The following CNTN4 variants were observed in gnomAD, a reference collection of about 807,000 sequenced individuals.
The protein encoded by CNTN4 is contactin 4.
CNTN4 carries 77 observed loss-of-function variants against 122.5 expected under a neutral mutation model. The ratio of observed to expected loss-of-function variants is 0.63; its 90% CI spans 0.52 to 0.76. The LOEUF (loss-of-function observed/expected upper bound fraction) is 0.76, where lower values mean the gene tolerates loss of function less well. CNTN4 is among the 30% of genes least tolerant of loss of function. The probability of loss-of-function intolerance (pLI) is 0.00; values close to 1 mark genes in which losing one functional copy is unlikely to be tolerated. For missense variants in CNTN4, 1,256 were observed against 1,259.1 expected, an observed-to-expected ratio of 1.00 and a Z score of 0.04; for synonymous variants, 512 against 447.0, an observed-to-expected ratio of 1.15 and a Z score of -1.83.
intron 3 of CNTN4, among the ~76,000 whole-genome samples, chr3:2,486,573 G>A (rs568595740): frequency 1.8e-4 from 27 of 152,074 alleles, no homozygotes; most frequent in South Asian, 1.5e-3. Context: ...GTTACCCCCC[G>A]GATTCATAGC....
intron 4 of CNTN4, among the ~76,000 whole-genome samples, chr3:2,734,452 G>C (rs1191990049): frequency 6.6e-6 from 1 of 152,120 alleles, no homozygotes; most frequent in Non-Finnish European, 1.5e-5. Flanking sequence ...TAGAGACTAG[G>C]TGATTTTCCT....
intron 4 of CNTN4, among the ~76,000 whole-genome samples, chr3:2,581,173 A>C (rs2079920164): frequency 6.6e-6 from 1 of 152,124 alleles, no homozygotes. Flanking sequence ...TTGTTTTAAC[A>C]AGGCCTCCAA....
intron 12 of CNTN4, among the ~76,000 whole-genome samples, chr3:2,909,704 T>C (rs1233545292): frequency 6.6e-6 from 1 of 152,174 alleles, no homozygotes; most frequent in Non-Finnish European, 1.5e-5. Flanking sequence ...GCCATTGAAT[T>C]TTCCTAAAAT....
At chr3:3,037,659 A>G in intron 18 of CNTN4, 1 of 371,204 alleles carries the variant, frequency 2.7e-6, no homozygotes, top group Non-Finnish European at 5.2e-6. Context: ...ATTTCAAATA[A>G]AATTATCTCA....
intron 3 of CNTN4, among the ~76,000 whole-genome samples, chr3:2,366,711 A>G (rs2150595932): frequency 6.6e-6 from 1 of 151,806 alleles, no homozygotes; most frequent in African/African-American, 2.4e-5. Flanking sequence ...TGGGTGACAA[A>G]GCGAGACTCT....
At chr3:2,137,581 T>C (rs1559278316) in intron 2 of CNTN4, among the ~76,000 whole-genome samples, 1 of 152,218 alleles carries the variant, frequency 6.6e-6, no homozygotes. Flanking sequence ...TTGTGAGTTA[T>C]TGTATGTAAC....
intron 4 of CNTN4, among the ~76,000 whole-genome samples, chr3:2,589,890 C>T (rs2600298): frequency 0.14 from 21,311 of 152,260 alleles, 1,868 homozygotes; most frequent in Middle Eastern, 0.21. Flanking sequence ...AGAGAGAAAG[C>T]AAGAGGAAGC....
chr3:2,781,413 A>G (rs920014043), intron 6 of CNTN4, among the ~76,000 whole-genome samples: 8 of 151,728 alleles, frequency 5.3e-5, no homozygotes, highest in South Asian at 2.1e-4. Context: ...TGCTAAGGAT[A>G]TATGCGTGAG....
At chr3:2,424,526 A>C (rs988303463) in intron 3 of CNTN4, among the ~76,000 whole-genome samples, 1 of 152,130 alleles carries the variant, frequency 6.6e-6, no homozygotes. Flanking sequence ...CACTAAACAT[A>C]TGTGTGCATG....
intron 3 of CNTN4, among the ~76,000 whole-genome samples, chr3:2,363,444 T>C (rs1489694859): frequency 6.6e-6 from 1 of 152,216 alleles, no homozygotes; most frequent in Non-Finnish European, 1.5e-5. Context: ...GAACTAATCT[T>C]TCTGACTCCC....
At chr3:2,829,339 C>T (rs1427610563) in intron 7 of CNTN4, among the ~76,000 whole-genome samples, 1 of 152,218 alleles carries the variant, frequency 6.6e-6, no homozygotes, top group Non-Finnish European at 1.5e-5. Context: ...ATCTGACCCA[C>T]ATGGCCTGGG....
At chr3:2,279,140 A>C (rs574757379) in intron 2 of CNTN4, among the ~76,000 whole-genome samples, 1 of 149,930 alleles carries the variant, frequency 6.7e-6, no homozygotes, top group East Asian at 1.9e-4. Context: ...CTAATAATCA[A>C]AACTAATAAA....
At chr3:2,581,880 A>C (rs1294838728) in intron 4 of CNTN4, among the ~76,000 whole-genome samples, 1 of 152,238 alleles carries the variant, frequency 6.6e-6, no homozygotes, top group Non-Finnish European at 1.5e-5. Context: ...GTGCTAAGTG[A>C]ATGAAGCCAG....
chr3:2,887,797 C>T (rs1215048204), intron 10 of CNTN4, among the ~76,000 whole-genome samples: 1 of 152,110 alleles, frequency 6.6e-6, no homozygotes, highest in Non-Finnish European at 1.5e-5. Context: ...CAGCATTGAT[C>T]CAAACAATAT....
intron 14 of CNTN4, among the ~76,000 whole-genome samples, chr3:3,017,327 G>A (rs890907775): frequency 2.0e-5 from 3 of 152,174 alleles, no homozygotes; most frequent in African/African-American, 7.2e-5. Context: ...AAAAGTAAAT[G>A]TGTCTAAAAG....
intron 2 of CNTN4, among the ~76,000 whole-genome samples, chr3:2,254,398 A>G (rs2040496949): frequency 6.6e-6 from 1 of 152,212 alleles, no homozygotes; most frequent in African/African-American, 2.4e-5. Flanking sequence ...TCCTTTGGGT[A>G]TATACCCAGT....
intron 4 of CNTN4, among the ~76,000 whole-genome samples, chr3:2,659,151 T>C (rs1463799359): frequency 6.6e-6 from 1 of 151,920 alleles, no homozygotes; most frequent in Non-Finnish European, 1.5e-5. Flanking sequence ...AAGAGTAAAA[T>C]TCAGTAAGAA....
intron 13 of CNTN4, among the ~76,000 whole-genome samples, chr3:2,945,506 C>G (rs1026892586): frequency 3.3e-5 from 5 of 152,140 alleles, no homozygotes; most frequent in Non-Finnish European, 7.3e-5. Context: ...TCCACAGACA[C>G]TCTCTCTTAA....
Position 2,511,833 on chromosome 3 carries a change from C to G in CNTN4, c.-88-59583C>G, listed in dbSNP as rs1442814183. 2.0e-5 allele frequency: 3 copies of G among 152,106 alleles called. No individual in the cohort carries two copies. The East Asian group carries it at 5.8e-4, about 29-fold the overall frequency. The allele number at this position is 152,106 out of a possible 1,614,324, so 9.4% of individuals were successfully genotyped here. ...GAGGTAGAGTGTGATCTGTTTAGAG[C>G]TTGCTGTTTCTGTTAAATCTCTTAT... is the stretch of plus-strand genomic sequence containing the variant. On this transcript the variant is annotated intron_variant, in intron 3 of 24. Coordinates refer to ENST00000418658, the MANE Select transcript of CNTN4 (RefSeq NM_175607.3).
Sources: allele counts gnomAD v4.1 joint callset (sites outside exome capture counted in the v4.1 genomes callset), GRCh38; gene constraint gnomAD v4.1.1; transcripts MANE v1.5; gene names NCBI Gene and HGNC (gene_info 2026-07-23, HGNC 2026-07-21).